Variants in P4HA1 observed in about 807,000 individuals in gnomAD.
P4HA1 encodes the protein prolyl 4-hydroxylase subunit alpha-1.
In P4HA1, 24 loss-of-function variants were observed where a neutral mutation model predicts 72.8. The ratio of observed to expected loss-of-function variants is 0.33; its 90% confidence interval spans 0.24 to 0.46. The LOEUF is 0.46. Among genes scored for constraint, P4HA1 ranks in the 20% least tolerant of loss-of-function variants. The pLI is 1.00. For synonymous variants in P4HA1, 201 were observed against 218.8 expected, an observed-to-expected ratio of 0.92 and a Z score of 0.72; for missense variants, 446 against 640.6, an observed-to-expected ratio of 0.70 and a Z score of 3.28.
At chr10:73,063,112 C>T (rs990429467) in intron 5 of P4HA1, among the ~76,000 whole-genome samples, 2 of 152,142 alleles carry the variant, frequency 1.3e-5, no homozygotes, top group African/African-American at 2.4e-5. Context: ...GGAAAGGATA[C>T]TATCTTAGTG....
intron 9 of P4HA1, among the ~76,000 whole-genome samples, chr10:73,031,427 G>A (rs1589587909): frequency 6.6e-6 from 1 of 152,204 alleles, no homozygotes; most frequent in Non-Finnish European, 1.5e-5. Context: ...TGAGGCTGCA[G>A]TGAATTATGA....
At chr10:73,056,103 AT>A (rs1347020868) in intron 5 of P4HA1, among the ~76,000 whole-genome samples, 4 of 152,148 alleles carry the variant, frequency 2.6e-5, no homozygotes, top group Admixed American at 1.3e-4. Flanking sequence ...TAATACTACT[AT>A]TTTTCAGTTA....
In P4HA1 at chr10:73,053,491, T is replaced by A. The variant is rs772496105; in HGVS notation, c.563A>T (p.Glu188Val). ...TTCATCCAGTTGCCTTAGGGCTTGT[T>A]CCATCCACAGTTCCGTATGGTAATA... ...ADYYHTELWM[E>V]QALRQLDEGE... The change falls in exon 6 of 15, where the codon GAA becomes GTA. Residue 188 changes from glutamate (E) to valine (V), a missense_variant. By Grantham distance (121) the Glu-to-Val change is moderately radical. Transcript: ENST00000394890. 6.8e-6 allele frequency: 11 copies of A among 1,614,034 alleles called. No homozygotes were observed. The African/African-American group carries it at 1.3e-4, about 20-fold the overall frequency.
chr10:73,030,787 ATT>A (rs911697979), intron 9 of P4HA1, among the ~76,000 whole-genome samples: 5 of 152,282 alleles, frequency 3.3e-5, no homozygotes, highest in African/African-American at 1.2e-4. Flanking sequence ...TAATGCTAAT[ATT>A]TTATAAGAAA....
rs553454392 is a variant in P4HA1 at position 73,089,156 on chromosome 10, T to C, written c.-33+7610A>G. Among the ~76,000 whole-genome samples, 4 of 152,314 alleles carry C rather than the reference T, an allele frequency of 2.6e-5. No homozygotes were observed. In the East Asian group the frequency reaches 5.8e-4, roughly 22 times the overall value. On this transcript the variant is annotated intron_variant, in intron 1 of 14. Coordinates refer to ENST00000394890, the MANE Select transcript of P4HA1 (RefSeq NM_001017962.3). ...TGTTTCATAATTTTCAACATACAAA[T>C]ATTACACACCATTTGAAAAGTTAAT...
chr10:73,089,424 G>GA (rs1044264937), intron 1 of P4HA1, among the ~76,000 whole-genome samples: 1 of 151,950 alleles, frequency 6.6e-6, no homozygotes. Context: ...CAACAACTGG[G>GA]AAAAAATATT....
At chr10:73,087,995 C>T (rs1021501360) in intron 1 of P4HA1, among the ~76,000 whole-genome samples, 2 of 152,082 alleles carry the variant, frequency 1.3e-5, no homozygotes, top group African/African-American at 4.8e-5. Context: ...GACCCATGGT[C>T]AAAAATATTT....
intron 9 of P4HA1, among the ~76,000 whole-genome samples, chr10:73,032,833 T>C (rs1264447042): frequency 2.6e-5 from 4 of 152,032 alleles, no homozygotes; most frequent in Non-Finnish European, 5.9e-5. Flanking sequence ...GAGAAAGACA[T>C]GGAGAAGAAA....
At chr10:73,037,741 T>C (rs558975926) in intron 9 of P4HA1, among the ~76,000 whole-genome samples, 243 of 150,782 alleles carry the variant, frequency 1.6e-3, no homozygotes, top group African/African-American at 5.7e-3. Context: ...GGGATAATTA[T>C]GCAATAACAC....
At chr10:73,030,955 G>A (rs1436163599) in intron 9 of P4HA1, among the ~76,000 whole-genome samples, 2 of 152,114 alleles carry the variant, frequency 1.3e-5, no homozygotes, top group East Asian at 3.8e-4. Flanking sequence ...AAAACAGTTT[G>A]GTAGTTGCTC....
At chr10:73,076,796 C>G (rs1181302786) in intron 1 of P4HA1, among the ~76,000 whole-genome samples, 1 of 152,056 alleles carries the variant, frequency 6.6e-6, no homozygotes, top group Non-Finnish European at 1.5e-5. Context: ...CATTAGTTAC[C>G]CTGACTTGTC....
At chr10:73,077,798 T>A (rs1227449582) in intron 1 of P4HA1, among the ~76,000 whole-genome samples, 2 of 147,848 alleles carry the variant, frequency 1.4e-5, no homozygotes, top group Non-Finnish European at 3.0e-5. Context: ...CCGGGCAACA[T>A]AGCAAGACTT....
intron 5 of P4HA1, among the ~76,000 whole-genome samples, chr10:73,062,996 C>T (rs969605468): frequency 4.6e-5 from 7 of 151,404 alleles, no homozygotes; most frequent in African/African-American, 1.5e-4. Flanking sequence ...CCCCATTAGT[C>T]ACTTACAGGC....
At chr10:73,027,562 C>T (rs1278481167) in intron 10 of P4HA1, among the ~76,000 whole-genome samples, 4 of 126,852 alleles carry the variant, frequency 3.2e-5, no homozygotes, top group Admixed American at 9.6e-5. Flanking sequence ...CAAACCTGCA[C>T]GTTGTGCACA....
intron 7 of P4HA1, among the ~76,000 whole-genome samples, chr10:73,050,631 C>T (rs929560674): frequency 1.2e-4 from 18 of 149,428 alleles, no homozygotes; most frequent in Admixed American, 1.1e-3. Flanking sequence ...ACCCAAGAGG[C>T]GGAATTTGCA....
chr10:73,058,161 A>G (rs921214229), intron 5 of P4HA1, among the ~76,000 whole-genome samples: 1 of 151,866 alleles, frequency 6.6e-6, no homozygotes, highest in Non-Finnish European at 1.5e-5. Flanking sequence ...ACTAAGGGAA[A>G]AAAGAAAGGG....
chr10:73,064,731 C>CTTGGGAGGCTGAGGCA (rs1564632784), intron 5 of P4HA1, among the ~76,000 whole-genome samples: 2 of 151,460 alleles, frequency 1.3e-5, no homozygotes, highest in African/African-American at 2.4e-5. Context: ...ATCCCAGCTA[C>CTTGGGAGGCTGAGGCA]TTGGGAGGCT....
rs554093737 is a variant in P4HA1 at position 73,068,937 on chromosome 10, A to C, written c.372T>G (p.Asp124Glu). The C allele has an allele frequency of 1.3e-5, 21 of 1,612,656 alleles. No individual in the cohort carries two copies. The African/African-American group carries it at 2.4e-4, about 18-fold the overall frequency. Residue 124 changes from aspartate to glutamate, a missense_variant, in exon 5 of 15, where the codon GAT becomes GAG. Physicochemically the swap from Asp to Glu is conservative, Grantham distance 45 (BLOSUM62 2). Coordinates refer to ENST00000394890, the MANE Select transcript of P4HA1 (RefSeq NM_001017962.3). ...LTIQRQYFPN[D>E]EDQVGAAKAL... ...CTTTGGCTGCCCCAACCTGATCTTC[A>C]TCATTAGGAAAGTACTGTCTCTGAA...
chr10:73,079,789 C>T (rs1369294247), intron 1 of P4HA1, among the ~76,000 whole-genome samples: 1 of 152,012 alleles, frequency 6.6e-6, no homozygotes, highest in African/African-American at 2.4e-5. Context: ...AATAACGATA[C>T]TTTGAAAGCA....
Sources: allele counts gnomAD v4.1 joint callset (sites outside exome capture counted in the v4.1 genomes callset), GRCh38; gene constraint gnomAD v4.1.1; transcripts MANE v1.5; gene names NCBI Gene and HGNC (gene_info 2026-07-23, HGNC 2026-07-21).